STPG2: variants seen among roughly 807,000 people sequenced by gnomAD.
The protein encoded by STPG2 is sperm-tail PG-rich repeat-containing protein 2.
STPG2 carries 56 observed loss-of-function variants against 54.2 expected under a neutral mutation model. The ratio of observed to expected loss-of-function variants is 1.03; its 90% CI spans 0.83 to 1.29. The LOEUF is 1.29. Among genes scored for constraint, STPG2 ranks in the 50% most tolerant of loss-of-function variants. The pLI, the probability that STPG2 is intolerant of heterozygous loss-of-function variation, is 0.00. For missense variants in STPG2, 596 were observed against 544.9 expected (o/e 1.09, Z -0.93); for synonymous variants, 200 against 181.8 (o/e 1.10, Z -0.81).
intron 5 of STPG2, among the ~76,000 whole-genome samples, chr4:98,073,322 C>T (rs983502673): frequency 2.0e-5 from 3 of 152,092 alleles, no homozygotes; most frequent in African/African-American, 7.2e-5. Context: ...ATGACAGGCA[C>T]TATGCTAGAA....
intron 7 of STPG2, among the ~76,000 whole-genome samples, chr4:97,945,952 G>C (rs974981888): frequency 1.3e-5 from 2 of 152,000 alleles, no homozygotes; most frequent in Non-Finnish European, 2.9e-5. Flanking sequence ...CCTGCTATTG[G>C]AGAGGCTGAG....
intron 4 of STPG2, among the ~76,000 whole-genome samples, chr4:97,462,357 TATTC>T (rs1729684522): frequency 1.3e-5 from 2 of 152,152 alleles, no homozygotes; most frequent in South Asian, 2.1e-4. Context: ...GCTATTTTCT[TATTC>T]ATAATTGCTC....
chr4:97,737,896 A>G, intron 9 of STPG2, among the ~76,000 whole-genome samples: 1 of 152,194 alleles, frequency 6.6e-6, no homozygotes, highest in East Asian at 1.9e-4. Context: ...AGCAACTCCA[A>G]GACACAAAAT....
At chr4:98,127,973 C>A (rs1366641255) in intron 3 of STPG2, among the ~76,000 whole-genome samples, 1 of 152,106 alleles carries the variant, frequency 6.6e-6, no homozygotes, top group Admixed American at 6.5e-5. Context: ...GGCAGAGACT[C>A]CTAATAATTT....
At chr4:97,516,766 T>C (rs952824443) in intron 4 of STPG2, among the ~76,000 whole-genome samples, 4 of 151,538 alleles carry the variant, frequency 2.6e-5, no homozygotes, top group Admixed American at 6.6e-5. Context: ...AGTTGGAGGC[T>C]GCAGTGAGCC....
chr4:97,557,220 T>C (rs998837325), downstream of STPG2, among the ~76,000 whole-genome samples: 3 of 152,004 alleles, frequency 2.0e-5, no homozygotes, highest in African/African-American at 4.8e-5. Flanking sequence ...AGGAAGTTTG[T>C]GCCAGCATAA....
chr4:97,524,281 A>T (rs911786843), intron 4 of STPG2, among the ~76,000 whole-genome samples: 2 of 151,964 alleles, frequency 1.3e-5, no homozygotes, highest in Admixed American at 6.6e-5. Flanking sequence ...TTATTTCAAT[A>T]AATTCCTCAA....
intron 9 of STPG2, among the ~76,000 whole-genome samples, chr4:97,763,568 C>T (rs1725952137): frequency 6.6e-6 from 1 of 152,038 alleles, no homozygotes; most frequent in South Asian, 2.1e-4. Flanking sequence ...TCCAGTTTGG[C>T]CAGGATAGTC....
rs888575853 is a variant in STPG2, at chr4:97,991,467, A to G, written c.613-10149T>C. Among the ~76,000 whole-genome samples, 1,199 of 140,446 alleles carry G rather than the reference A, an allele frequency of 8.5e-3. 16 individuals are homozygous for G. The highest frequency in any genetic ancestry group is 0.011 in the Non-Finnish European group (660 of 62,216). The allele number at this position is 140,446 out of a possible 152,430, so 92.1% of individuals were successfully genotyped here. A position where few individuals can be genotyped will look rare whatever the true frequency, so the allele number is the denominator to read the frequency against. ...TGTGTGTGTGTGTGTGTGTATATAT[A>G]TATATGTATATATACCACATTTTCT... On this transcript the variant is annotated intron_variant, in intron 5 of 10. Coordinates refer to ENST00000295268, the MANE Select transcript of STPG2 (RefSeq NM_174952.3).
chr4:97,898,450 T>A (rs1731045636), intron 8 of STPG2, among the ~76,000 whole-genome samples: 1 of 133,446 alleles, frequency 7.5e-6, no homozygotes, highest in African/African-American at 2.5e-5. Flanking sequence ...ACTTCTAGAT[T>A]TTTTTTCCAG....
At chr4:97,902,181 C>T (rs565430065) in intron 8 of STPG2, among the ~76,000 whole-genome samples, 85 of 152,038 alleles carry the variant, frequency 5.6e-4, no homozygotes, top group Admixed American at 9.8e-4. Flanking sequence ...AAATGTCAGA[C>T]CTGAAACCAC....
chr4:97,493,170 T>TACAGCCTCCAA (rs1730537605), intron 4 of STPG2, among the ~76,000 whole-genome samples: 1 of 150,874 alleles, frequency 6.6e-6, no homozygotes, highest in Non-Finnish European at 1.5e-5. Context: ...CGTCGGTTAT[T>TACAGCCTCCAA]ACAGCCTCCA....
chr4:97,842,101 C>A (rs956438256), intron 8 of STPG2, among the ~76,000 whole-genome samples: 5 of 151,814 alleles, frequency 3.3e-5, no homozygotes, highest in Non-Finnish European at 7.4e-5. Flanking sequence ...TTGTTCCTTA[C>A]ATCCATATTA....
chr4:97,549,388 T>C (rs1229609492), intron 4 of STPG2, among the ~76,000 whole-genome samples: 3 of 152,210 alleles, frequency 2.0e-5, no homozygotes, highest in Non-Finnish European at 2.9e-5. Flanking sequence ...TTCACTTTCA[T>C]AGTCACTCTA....
intron 5 of STPG2, among the ~76,000 whole-genome samples, chr4:98,026,820 A>G (rs961539542): frequency 1.3e-5 from 2 of 151,940 alleles, no homozygotes; most frequent in South Asian, 2.1e-4. Context: ...TCTTTACCCA[A>G]TCCCACTAAA....
At chr4:97,543,388 C>A (rs1033947793) in intron 4 of STPG2, among the ~76,000 whole-genome samples, 1 of 151,728 alleles carries the variant, frequency 6.6e-6, no homozygotes, top group Non-Finnish European at 1.5e-5. Flanking sequence ...AATTTTCCTA[C>A]CTAAGTAGCT....
chr4:97,496,758 C>T (rs957999694), intron 4 of STPG2, among the ~76,000 whole-genome samples: 1 of 151,656 alleles, frequency 6.6e-6, no homozygotes, highest in Non-Finnish European at 1.5e-5. Context: ...TTTCTCTTAT[C>T]TAATAATCTC....
intron 5 of STPG2, among the ~76,000 whole-genome samples, chr4:98,082,097 T>C (rs1354292625): frequency 3.3e-5 from 5 of 152,174 alleles, no homozygotes; most frequent in African/African-American, 7.2e-5. Flanking sequence ...AACCCACCAA[T>C]GAGGTCACTT....
chr4:97,933,095 G>C (rs777729342), intron 8 of STPG2, among the ~76,000 whole-genome samples: 1 of 151,908 alleles, frequency 6.6e-6, no homozygotes, highest in Non-Finnish European at 1.5e-5. Flanking sequence ...TTGTGGTTTT[G>C]ATTTGCATTT....
Sources: allele counts gnomAD v4.1 joint callset (sites outside exome capture counted in the v4.1 genomes callset), GRCh38; gene constraint gnomAD v4.1.1; transcripts MANE v1.5; gene names NCBI Gene and HGNC (gene_info 2026-07-23, HGNC 2026-07-21).